Variants in RANBP1 observed in about 807,000 individuals in gnomAD.
RANBP1 encodes the protein ran-specific GTPase-activating protein.
A neutral mutation model predicts 31.4 loss-of-function variants in RANBP1; 16 were observed. The observed-to-expected ratio is 0.51, with a 90% CI of 0.34 to 0.77. The LOEUF (loss-of-function observed/expected upper bound fraction) is 0.77, where lower values mean the gene tolerates loss of function less well. RANBP1 is among the 30% of genes least tolerant of loss of function. The pLI is 0.01. For synonymous variants in RANBP1, 129 were observed against 140.5 expected, an observed-to-expected ratio of 0.92 and a Z score of 0.58; for missense variants, 265 against 362.0, an observed-to-expected ratio of 0.73 and a Z score of 2.17.
chr22:20,118,368 C>T, intron 1 of RANBP1: 1 of 999,240 alleles, frequency 1.0e-6, no homozygotes, highest in Non-Finnish European at 1.2e-6. Context: ...CTCTCTTATC[C>T]TCTAAATTGG....
At position 20,124,890 on chromosome 22, in the gene RANBP1, C is replaced by T. The variant is rs541617893; in HGVS notation, c.542-418C>T. 11 of 206,260 alleles carry T rather than the reference C, an allele frequency of 5.3e-5. No individual in the cohort carries two copies. The South Asian group carries it at 7.3e-4, about 14-fold the overall frequency. 12.8% of individuals were successfully genotyped at this position (206,260 alleles called of 1,614,324 possible). On this transcript the variant is annotated intron_variant, in intron 3 of 5. Coordinates refer to ENST00000430524, the MANE Select transcript of RANBP1 (RefSeq NM_001278639.2). The stretch of plus-strand genomic sequence containing the variant: ...TGACCCTGGGCTTCTGACTTCACGG[C>T]CAGGGTCAGAATCAAGGGGATCAGG...
intron 1 of RANBP1, chr22:20,117,396 G>A (rs1414069328): frequency 8.2e-6 from 10 of 1,213,530 alleles, no homozygotes; most frequent in African/African-American, 1.6e-5. Flanking sequence ...GCGTTTTGGC[G>A]GGAAGCGCGG....
At chr22:20,122,657 G>C (rs932447826) in intron 3 of RANBP1, 1 of 1,487,784 alleles carries the variant, frequency 6.7e-7, no homozygotes, top group African/African-American at 1.4e-5. Flanking sequence ...GACGGGCCCT[G>C]ATGGGAGGAC....
chr22:20,126,496 C>T, intron 5 of RANBP1, 128 bp downstream of exon 5: 4 of 1,594,722 alleles, frequency 2.5e-6, no homozygotes, highest in Non-Finnish European at 3.4e-6. Context: ...CTCACGTATC[C>T]AGAGTGATGC....
intron 1 of RANBP1, 187 bp downstream of exon 1, chr22:20,116,617 G>C (rs1346961106): frequency 1.3e-6 from 2 of 1,532,326 alleles, no homozygotes; most frequent in Non-Finnish European, 1.7e-6. Context: ...CGGGCCCTGT[G>C]TGGGGACAGA....
Position 20,117,780 on chromosome 22 carries a change from C to G in RANBP1, c.247-1233C>G, listed in dbSNP as rs1443912940. On this transcript the variant is annotated intron_variant, in intron 1 of 5. Transcript: ENST00000430524. ...ACCTCCGCCGGCCTGCAGGCTCGGC[C>G]GTCTGCTGGGCCTCGGTGGCGCGGA... The G allele has an allele frequency of 1.4e-5, 15 of 1,053,136 alleles. No individual in the cohort carries two copies. The East Asian group carries it at 1.0e-3, about 70-fold the overall frequency. The allele number at this position is 1,053,136 out of a possible 1,614,324, so 65.2% of individuals were successfully genotyped here.
intron 1 of RANBP1, chr22:20,116,687 A>C: frequency 6.7e-7 from 1 of 1,483,344 alleles, no homozygotes; most frequent in Non-Finnish European, 9.0e-7. Context: ...TCCTTATGGG[A>C]CACCCAGACC....
At chr22:20,116,890 T>C in intron 1 of RANBP1, 5 of 1,605,056 alleles carry the variant, frequency 3.1e-6, no homozygotes, top group Non-Finnish European at 4.3e-6. Context: ...TACCTCGTTG[T>C]CGAGGTTCTC....
At chr22:20,120,096 C>T (rs1331873770) in intron 2 of RANBP1, among the ~76,000 whole-genome samples, 4 of 152,160 alleles carry the variant, frequency 2.6e-5, no homozygotes, top group African/African-American at 7.2e-5. Flanking sequence ...TTCATGGAAT[C>T]CCCCCATCCT....
intron 1 of RANBP1, chr22:20,118,177 T>G: frequency 1.2e-5 from 12 of 1,001,930 alleles, no homozygotes; most frequent in Non-Finnish European, 1.4e-5. Context: ...GGCTGCGGTG[T>G]CTGGTTGAGT....
rs1456575617 is a variant in RANBP1, at chr22:20,122,376, C to G, written c.496C>G (p.Leu166Val). ...KHKEKGAIRL[L>V]MRRDKTLKIC... ...CAAGGAGAAAGGGGCCATCCGCCTCCTCATGCGGAGGGACAAGACCCTGAA... is the reference window on the plus strand; with the variant it reads ...CAAGGAGAAAGGGGCCATCCGCCTCGTCATGCGGAGGGACAAGACCCTGAA... Residue 166 changes from leucine (L) to valine (V), a missense_variant, in exon 3 of 6, where the codon CTC becomes GTC. By Grantham distance (32) the Leu-to-Val change is conservative. Transcript: ENST00000430524. The G allele has an allele frequency of 6.2e-7, 1 of 1,613,080 alleles. No homozygotes were observed. Among genetic ancestry groups the G allele is most frequent in the Admixed American group, 1.7e-5 (1 of 60,018 alleles).
chr22:20,123,204 GGA>G (rs2050219866), intron 3 of RANBP1, among the ~76,000 whole-genome samples: 1 of 139,746 alleles, frequency 7.2e-6, no homozygotes, highest in African/African-American at 2.7e-5. Context: ...TGGTGTCTGG[GGA>G]GGTGTACAGT....
intron 1 of RANBP1, chr22:20,118,345 A>G: frequency 1.0e-6 from 1 of 1,002,150 alleles, no homozygotes; most frequent in Non-Finnish European, 1.2e-6. Context: ...AACCTAAAAT[A>G]TGATTATTGG....
intron 1 of RANBP1, chr22:20,116,844 C>A (rs779040015): frequency 6.3e-7 from 1 of 1,594,446 alleles, no homozygotes; most frequent in East Asian, 2.3e-5. Flanking sequence ...CTCCTCCCAC[C>A]CCATCCCCGT....
chr22:20,122,570 C>T, intron 3 of RANBP1, 149 bp downstream of exon 3: 6 of 1,545,446 alleles, frequency 3.9e-6, no homozygotes, highest in South Asian at 2.4e-5. Flanking sequence ...ACCAGAAATA[C>T]GTTTTTCAGA....
intron 3 of RANBP1, chr22:20,124,096 G>A (rs2050245880): frequency 1.3e-5 from 2 of 152,878 alleles, no homozygotes; most frequent in South Asian, 4.1e-4. Context: ...AGCATGTCTA[G>A]TCCTGGGGAA....
rs1464920833 is a variant in RANBP1 at position 20,125,006 on chromosome 22, A to G, written c.542-302A>G. On this transcript the variant is annotated intron_variant, in intron 3 of 5. Transcript: ENST00000430524. Reference sequence around the variant, plus strand: ...TTCTGGAGGTGGGGGTCTGTGTGCCAAGTGATCTTGAACACAGCTCAGGAG... The same window carrying G: ...TTCTGGAGGTGGGGGTCTGTGTGCCGAGTGATCTTGAACACAGCTCAGGAG... 78 of 370,120 alleles carry G rather than the reference A, an allele frequency of 2.1e-4. 2 individuals are homozygous for G. The highest frequency in any genetic ancestry group is 3.1e-4 in the Non-Finnish European group (63 of 200,172). The allele number at this position is 370,120 out of a possible 1,614,324, so 22.9% of individuals were successfully genotyped here. A position where few individuals can be genotyped will look rare whatever the true frequency, so the allele number is the denominator to read the frequency against.
intron 1 of RANBP1, 31 bp downstream of exon 1, chr22:20,116,461 A>AGCCCGGGCTGAG: frequency 6.2e-7 from 1 of 1,612,896 alleles, no homozygotes; most frequent in Non-Finnish European, 8.5e-7. Flanking sequence ...GTAGCTGTAG[A>AGCCCGGGCTGAG]GCCCGGGCTG....
intron 3 of RANBP1, among the ~76,000 whole-genome samples, chr22:20,123,688 G>A (rs915309042): frequency 2.7e-5 from 4 of 150,064 alleles, no homozygotes; most frequent in Non-Finnish European, 6.0e-5. Flanking sequence ...GAGGCCCTTG[G>A]GCAGGTTCAG....
Sources: gnomAD v4.1 joint callset for allele counts (sites outside exome capture counted in the v4.1 genomes callset) on GRCh38, gnomAD v4.1.1 for gene constraint, MANE v1.5 for transcripts, NCBI Gene and HGNC (gene_info 2026-07-23, HGNC 2026-07-21) for gene names.